The following RNF215 variants were observed in gnomAD, a reference collection of about 807,000 sequenced individuals.
RNF215 encodes the protein ring finger protein 215.
RNF215 carries 41 observed loss-of-function variants against 44.8 expected under a neutral mutation model. The observed-to-expected ratio is 0.92, with a 90% confidence interval of 0.71 to 1.19. The LOEUF (loss-of-function observed/expected upper bound fraction) is 1.19. Ranked by LOEUF, RNF215 falls within the 50% of genes most tolerant of loss-of-function variation. The pLI is 0.00. For synonymous variants in RNF215, 218 were observed against 230.1 expected (o/e 0.95, Z 0.48); for missense variants, 452 against 496.2 (o/e 0.91, Z 0.85).
intron 2 of RNF215, 112 bp downstream of exon 2, chr22:30,386,504 G>A (rs1933601615): frequency 1.4e-6 from 2 of 1,381,760 alleles, no homozygotes; most frequent in Admixed American, 4.5e-5. Flanking sequence ...TGACCCACCA[G>A]GCCTAGGGCT....
At chr22:30,386,262 G>T in intron 2 of RNF215, 121 bp from the exon 3 acceptor site, 1 of 911,544 alleles carries the variant, frequency 1.1e-6, no homozygotes, top group African/African-American at 1.7e-5. Flanking sequence ...TGGACAGACT[G>T]CCATAAGCTC....
At position 30,379,416 on chromosome 22, in the gene RNF215, C is replaced by G; in HGVS notation, c.*184G>C. The G allele has an allele frequency of 1.5e-6, 1 of 689,198 alleles. No homozygotes were observed. Among genetic ancestry groups the G allele is most frequent in the East Asian group, 2.7e-5 (1 of 36,698 alleles). 42.7% of individuals were successfully genotyped at this position (689,198 alleles called of 1,614,324 possible). A position where few individuals can be genotyped will look rare whatever the true frequency, so the allele number is the denominator to read the frequency against. On this transcript the variant is annotated 3_prime_UTR_variant, in exon 9 of 9. Coordinates refer to ENST00000382363, the MANE Select transcript of RNF215 (RefSeq NM_001017981.2). The stretch of plus-strand genomic sequence containing the variant: ...CAGGTCCCAGCCCTAGATCCTCAGT[C>G]TGAAGCTGTGGGGCCCTCCTTCCCA...
At chr22:30,384,217 G>T in intron 5 of RNF215, 122 bp downstream of exon 5, 1 of 1,075,324 alleles carries the variant, frequency 9.3e-7, no homozygotes, top group Non-Finnish European at 1.4e-6. Context: ...ACTCCTGTGG[G>T]GTGGGAAAGG....
At position 30,379,410 on chromosome 22, in the gene RNF215, C is replaced by A. The variant is rs76510520; in HGVS notation, c.*190G>T. 36 of 663,682 alleles carry A rather than the reference C, an allele frequency of 5.4e-5. No homozygotes were observed. The African/African-American group carries it at 6.2e-4, about 11-fold the overall frequency. 41.1% of individuals were successfully genotyped at this position (663,682 alleles called of 1,614,324 possible). A position where few individuals can be genotyped will look rare whatever the true frequency, so the allele number is the denominator to read the frequency against. ...GACTGACAGGTCCCAGCCCTAGATC[C>A]TCAGTCTGAAGCTGTGGGGCCCTCC... On this transcript the variant is annotated 3_prime_UTR_variant, in exon 9 of 9. Transcript: ENST00000382363.
At chr22:30,384,947 G>T (rs5753113) in intron 4 of RNF215, 31,138 of 158,214 alleles carry the variant, frequency 0.2, 3,363 homozygotes, top group Middle Eastern at 0.36. Flanking sequence ...GATTAGCTGG[G>T]ACTACAGGCA....
In RNF215 at chr22:30,380,550, GCTCCGT is replaced by G; in HGVS notation, c.745-155_745-150del. ...CAGTCCCCAGCTTCCTCTTCTGAAG[GCTCCGT>G]CTCTTCCATTGTGTGCTTCTCAGGA... On this transcript the variant is annotated intron_variant, in intron 5 of 8. Coordinates refer to ENST00000382363, the MANE Select transcript of RNF215 (RefSeq NM_001017981.2). This position sits in a 1 kb window ranked among gnomAD's most constrained non-coding sequence, Gnocchi z 5.3. 1.0e-6 allele frequency: 1 copy of G among 962,018 alleles called. No homozygotes were observed. The highest frequency in any genetic ancestry group is 1.5e-6 in the Non-Finnish European group (1 of 657,514). 59.6% of individuals were successfully genotyped at this position (962,018 alleles called of 1,614,324 possible).
At position 30,381,886 on chromosome 22, in the gene RNF215, C is replaced by T. The variant is rs149726501; in HGVS notation, c.745-1485G>A. Among the ~76,000 whole-genome samples the T allele has an allele frequency of 1.5e-3, 222 of 152,300 alleles. 2 individuals are homozygous for T. Among genetic ancestry groups the T allele is most frequent in the African/African-American group, 5.0e-3 (207 of 41,568 alleles). On this transcript the variant is annotated intron_variant, in intron 5 of 8. Coordinates refer to ENST00000382363, the MANE Select transcript of RNF215 (RefSeq NM_001017981.2). ...TGCCACCTGTTCTAGGAAGCTGTCC[C>T]CAAGCTCCAGGCTGAGTGCCTTTAT...
Position 30,380,526 on chromosome 22 carries a change from A to T in RNF215, c.745-125T>A, listed in dbSNP as rs1933515495. The T allele has an allele frequency of 8.4e-7, 1 of 1,197,502 alleles. No homozygotes were observed. Among genetic ancestry groups the T allele is most frequent in the Admixed American group, 2.8e-5 (1 of 35,840 alleles). The allele number at this position is 1,197,502 out of a possible 1,614,324, so 74.2% of individuals were successfully genotyped here. ...ATGCTGACGGCCTCTGTGTCCCTGC[A>T]GTCCCCAGCTTCCTCTTCTGAAGGC... On this transcript the variant is annotated intron_variant, in intron 5 of 8. Transcript: ENST00000382363. The surrounding 1 kb of genome is among the most constrained non-coding windows in gnomAD (Gnocchi z 5.3).
intron 4 of RNF215, chr22:30,384,708 G>A (rs1933572309): frequency 6.0e-6 from 3 of 502,228 alleles, no homozygotes; most frequent in Non-Finnish European, 7.2e-6. Flanking sequence ...CCTTGCTGGG[G>A]CCAGTCCTCT....
rs1392387279 is a variant in RNF215 at position 30,380,194 on chromosome 22, A to G, written c.876T>C (p.Phe292=). 3.1e-6 allele frequency: 5 copies of G among 1,613,756 alleles called. No individual in the cohort carries two copies. The Admixed American group carries it at 6.7e-5, about 22-fold the overall frequency. Residue 292 remains phenylalanine (F), a synonymous_variant, in exon 7 of 9, where the codon TTT becomes TTC. Transcript: ENST00000382363. The surrounding 1 kb of genome is among the most constrained non-coding windows in gnomAD (Gnocchi z 5.3). The part of the protein sequence containing the change: ...QRELGGQVDL[F]KRRVVRRLAS... ...CCAGTCTCCGCACCACGCGGCGCTT[A>G]AACAGGTCCACCTGTGGGGAGAGGA...
rs1601760977 is a variant in RNF215, at chr22:30,387,237, A to G, written c.77T>C (p.Leu26Pro). The G allele has an allele frequency of 1.0e-6, 1 of 1,003,966 alleles. No homozygotes were observed. Among genetic ancestry groups the G allele is most frequent in the East Asian group, 8.3e-5 (1 of 12,046 alleles). The allele number at this position is 1,003,966 out of a possible 1,614,324, so 62.2% of individuals were successfully genotyped here. Residue 26 changes from leucine to proline, a missense_variant, in exon 1 of 9, where the codon CTG (leucine) becomes CCG (proline). By Grantham distance (98) the Leu-to-Pro change is moderately conservative. Coordinates refer to ENST00000382363, the MANE Select transcript of RNF215 (RefSeq NM_001017981.2). The part of the protein sequence containing the change: ...PPPPPSPLLL[L>P]LPLLPLWLGL... Reference sequence around the variant, plus strand: ...CAGCCACAGCGGCAGCAGGGGCAGCAGCAGCAGCAGCGGAGACGGAGGCGG... The same window carrying G: ...CAGCCACAGCGGCAGCAGGGGCAGCGGCAGCAGCAGCGGAGACGGAGGCGG...
rs555088915 is a variant in RNF215, at chr22:30,385,675, C to T, written c.587+229G>A. Among the ~76,000 whole-genome samples the T allele has an allele frequency of 1.9e-3, 293 of 151,560 alleles. 3 individuals are homozygous for T. The highest frequency in any genetic ancestry group is 3.4e-3 in the Non-Finnish European group (230 of 67,982). On this transcript the variant is annotated intron_variant, in intron 4 of 8. Transcript: ENST00000382363. ...TGGCACATGACTGTGATCCTAGCTA[C>T]TTGGGAGACTGAGGCAGGAGAATCA...
Position 30,387,231 on chromosome 22 carries a change from G to A in RNF215, c.83C>T (p.Pro28Leu). The A allele has an allele frequency of 1.0e-6, 1 of 1,001,084 alleles. No homozygotes were observed. Among genetic ancestry groups the A allele is most frequent in the Non-Finnish European group, 1.2e-6 (1 of 831,008 alleles). 62.0% of individuals were successfully genotyped at this position (1,001,084 alleles called of 1,614,324 possible). A position where few individuals can be genotyped will look rare whatever the true frequency, so the allele number is the denominator to read the frequency against. Residue 28 changes from proline to leucine, a missense_variant, in exon 1 of 9, where the codon CCC becomes CTC. Transcript: ENST00000382363. ...PPPSPLLLLLPLLPLWLGLAG... is the reference protein window; with the variant it reads ...PPPSPLLLLLLLLPLWLGLAG... ...CAGGCCCAGCCACAGCGGCAGCAGG[G>A]GCAGCAGCAGCAGCAGCGGAGACGG...
intron 7 of RNF215, 86 bp downstream of exon 7, chr22:30,379,976 C>CTGG (rs1933501525): frequency 1.3e-6 from 2 of 1,585,318 alleles, no homozygotes; most frequent in South Asian, 1.1e-5. Flanking sequence ...GGAGAAGGGC[C>CTGG]TGGTGGTGGT....
In RNF215 at chr22:30,379,770, C is replaced by T; in HGVS notation, c.1052G>A (p.Cys351Tyr). Residue 351 changes from cysteine to tyrosine, a missense_variant, in exon 8 of 9, where the codon TGT (cysteine) becomes TAT (tyrosine). Physicochemically the swap from Cys to Tyr is radical, Grantham distance 194. Coordinates refer to ENST00000382363, the MANE Select transcript of RNF215 (RefSeq NM_001017981.2). ...LPCKHEFHRD[C>Y]VDPWLMLQQT... is the part of the protein sequence containing the mutation. The stretch of plus-strand genomic sequence containing the variant: ...CTGGAGCATCAGCCAGGGGTCCACA[C>T]AGTCTCGGTGAAACTCGTGCTTACA... The T allele has an allele frequency of 6.4e-7, 1 of 1,570,446 alleles. No homozygotes were observed. Among genetic ancestry groups the T allele is most frequent in the Non-Finnish European group, 8.6e-7 (1 of 1,158,744 alleles).
At chr22:30,383,223 G>A (rs931175802) in intron 5 of RNF215, among the ~76,000 whole-genome samples, 7 of 152,070 alleles carry the variant, frequency 4.6e-5, no homozygotes, top group Admixed American at 3.9e-4. Flanking sequence ...ACACTTTAGT[G>A]GCCATGGCCA....
At chr22:30,386,297 T>C (rs1211381604) in intron 2 of RNF215, among the ~76,000 whole-genome samples, 156 bp from the exon 3 acceptor site, 1 of 152,164 alleles carries the variant, frequency 6.6e-6, no homozygotes, top group Non-Finnish European at 1.5e-5. Context: ...TGGAAACTGC[T>C]TTCTTCCTCC....
At chr22:30,382,079 C>T (rs370768527) in intron 5 of RNF215, among the ~76,000 whole-genome samples, 1 of 152,172 alleles carries the variant, frequency 6.6e-6, no homozygotes, top group African/African-American at 2.4e-5. Context: ...GAGACCGGGG[C>T]ATCACTGCCT....
At chr22:30,379,682 G>C in intron 8 of RNF215, 29 bp downstream of exon 8, 1 of 1,552,590 alleles carries the variant, frequency 6.4e-7, no homozygotes, top group Non-Finnish European at 8.7e-7. Context: ...AGGCAGAGTA[G>C]GCCGAGGGAC....
Sources: allele counts gnomAD v4.1 joint callset (sites outside exome capture counted in the v4.1 genomes callset), GRCh38; gene constraint gnomAD v4.1.1; non-coding constraint Gnocchi (gnomAD v3.1); transcripts MANE v1.5; gene names NCBI Gene and HGNC (gene_info 2026-07-23, HGNC 2026-07-21).